Variants in TIMM9 observed in about 807,000 individuals in gnomAD.
TIMM9 encodes the protein mitochondrial import inner membrane translocase subunit Tim9.
A neutral mutation model predicts 13.4 loss-of-function variants in TIMM9; 10 were observed. That is an observed-to-expected ratio of 0.75 (90% confidence interval 0.46 to 1.26). The LOEUF is 1.26. Ranked by LOEUF, TIMM9 falls within the 50% of genes most tolerant of loss-of-function variation. The pLI is 0.00. For synonymous variants in TIMM9, 32 were observed against 32.1 expected (o/e 1.00, Z 0.01); for missense variants, 87 against 100.8 (o/e 0.86, Z 0.58).
At chr14:58,412,988 C>T (rs2036270410) in intron 3 of TIMM9, among the ~76,000 whole-genome samples, 1 of 151,948 alleles carries the variant, frequency 6.6e-6, no homozygotes, top group Non-Finnish European at 1.5e-5. Flanking sequence ...TTAACTATTC[C>T]ACTAGTCACC....
chr14:58,427,145 A>T lies in TIMM9; in HGVS notation c.-206T>A, dbSNP rs967993539. 1.2e-5 allele frequency: 2 copies of T among 172,498 alleles called. No homozygotes were observed. The highest frequency in any genetic ancestry group is 1.7e-4 in the East Asian group (1 of 6,018). 10.7% of individuals were successfully genotyped at this position (172,498 alleles called of 1,614,324 possible). On this transcript the variant is annotated 5_prime_UTR_variant, in exon 2 of 6. Coordinates refer to ENST00000395159, the MANE Select transcript of TIMM9 (RefSeq NM_012460.4). ...TGGGAGGGAGGGTCAGGGTCTGGAC[A>T]GGAGCCGCGGCCGCCAGATGGGAAA...
At chr14:58,410,029 C>G (rs998094751) in intron 5 of TIMM9, among the ~76,000 whole-genome samples, 7 of 151,882 alleles carry the variant, frequency 4.6e-5, no homozygotes, top group African/African-American at 7.3e-5. Flanking sequence ...CCACGCCTGG[C>G]TAATTTTTCA....
chr14:58,423,005 A>T (rs1403808974), intron 3 of TIMM9, among the ~76,000 whole-genome samples: 4 of 151,748 alleles, frequency 2.6e-5, no homozygotes, highest in African/African-American at 9.7e-5. Context: ...GGGTTTCACC[A>T]TGTTGGCCAG....
chr14:58,423,689 C>T (rs1355333008), intron 3 of TIMM9: 1 of 152,066 alleles, frequency 6.6e-6, no homozygotes, highest in African/African-American at 2.4e-5. Flanking sequence ...TAAGCTTAGA[C>T]TAACAAATTC....
intron 2 of TIMM9, among the ~76,000 whole-genome samples, chr14:58,425,881 G>A (rs2036743308): frequency 6.6e-6 from 1 of 152,112 alleles, no homozygotes; most frequent in Non-Finnish European, 1.5e-5. Flanking sequence ...CACTTTGGTA[G>A]GCCGAGGCGG....
Position 58,410,939 on chromosome 14 carries a change from C to A in TIMM9, c.40-1G>T, listed in dbSNP as rs1464448241. 6.2e-7 allele frequency: 1 copy of A among 1,607,578 alleles called. No individual in the cohort carries two copies. The highest frequency in any genetic ancestry group is 8.5e-7 in the Non-Finnish European group (1 of 1,176,304). On this transcript the variant is annotated splice_acceptor_variant, in intron 4 of 5. Coordinates refer to ENST00000395159, the MANE Select transcript of TIMM9 (RefSeq NM_012460.4). LOFTEE classifies it high-confidence loss of function. ...TGTAGGTCCCCAGAAATTCCTTAAA[C>A]TACAAACAAACCAGAATGTTCTTTA... is the stretch of plus-strand genomic sequence containing the variant.
In TIMM9 at chr14:58,414,036, A is replaced by AAAC. The variant is rs398025244; in HGVS notation, c.-26-2066_-26-2065insGTT. ...AAAAAAAAAAAAAAAAAAAAAAAAA[A>AAAC]GGTTTGTATAAAATAAAGCTGTTTG... On this transcript the variant is annotated intron_variant, in intron 3 of 5. Coordinates refer to ENST00000395159, the MANE Select transcript of TIMM9 (RefSeq NM_012460.4). 1.4e-3 allele frequency among the ~76,000 whole-genome samples: 203 copies of AAAC among 144,302 alleles called. 6 individuals carry two copies. The highest frequency in any genetic ancestry group is 4.8e-3 in the African/African-American group (186 of 38,776). The allele number at this position is 144,302 out of a possible 152,430, so 94.7% of individuals were successfully genotyped here. A position where few individuals can be genotyped will look rare whatever the true frequency, so the allele number is the denominator to read the frequency against.
chr14:58,421,934 C>T (rs190311549), intron 3 of TIMM9, among the ~76,000 whole-genome samples: 5 of 152,080 alleles, frequency 3.3e-5, no homozygotes, highest in African/African-American at 9.6e-5. Flanking sequence ...AGGAGGACAC[C>T]CAGCAAACTG....
chr14:58,409,768 C>G (rs1378317357), intron 5 of TIMM9, among the ~76,000 whole-genome samples: 1 of 151,344 alleles, frequency 6.6e-6, no homozygotes, highest in African/African-American at 2.4e-5. Flanking sequence ...TTAGTAGAGA[C>G]GGGGTTTCAC....
At chr14:58,420,017 T>C (rs1040419103) in intron 3 of TIMM9, among the ~76,000 whole-genome samples, 8 of 152,216 alleles carry the variant, frequency 5.3e-5, no homozygotes, top group Admixed American at 4.6e-4. Context: ...TCTCAACTCC[T>C]GGACTTAAGC....
chr14:58,411,842 T>A (rs1033622192), intron 4 of TIMM9, 65 bp downstream of exon 4: 3 of 1,466,128 alleles, frequency 2.0e-6, no homozygotes, highest in Non-Finnish European at 2.9e-6. Flanking sequence ...CAGCCTGACA[T>A]GGTGGCATTA....
intron 3 of TIMM9, among the ~76,000 whole-genome samples, chr14:58,414,189 T>G (rs1035113533): frequency 7.9e-5 from 12 of 152,054 alleles, no homozygotes; most frequent in African/African-American, 2.9e-4. Flanking sequence ...AAACTGGATG[T>G]GCAAATTTTT....
At chr14:58,413,325 C>T (rs1033065672) in intron 3 of TIMM9, among the ~76,000 whole-genome samples, 24 of 152,296 alleles carry the variant, frequency 1.6e-4, no homozygotes, top group African/African-American at 5.8e-4. Flanking sequence ...TACTAATGAT[C>T]CTTTTACAAT....
Position 58,427,148 on chromosome 14 carries a change from A to T in TIMM9, c.-209T>A, listed in dbSNP as rs1218519710. ...GAGGGAGGGTCAGGGTCTGGACAGG[A>T]GCCGCGGCCGCCAGATGGGAAAGAA... On this transcript the variant is annotated 5_prime_UTR_variant, in exon 2 of 6. Transcript: ENST00000395159. The T allele has an allele frequency of 1.7e-5, 3 of 172,242 alleles. No homozygotes were observed. Among genetic ancestry groups the T allele is most frequent in the African/African-American group, 7.2e-5 (3 of 41,692 alleles). The allele number at this position is 172,242 out of a possible 1,614,324, so 10.7% of individuals were successfully genotyped here. A position where few individuals can be genotyped will look rare whatever the true frequency, so the allele number is the denominator to read the frequency against.
intron 3 of TIMM9, among the ~76,000 whole-genome samples, chr14:58,419,873 T>C (rs112120394): frequency 1.3e-5 from 2 of 152,264 alleles, no homozygotes; most frequent in African/African-American, 4.8e-5. Flanking sequence ...GCCAAGATTG[T>C]GCCACTGCAC....
chr14:58,424,411 T>A (rs1378516122), intron 2 of TIMM9, among the ~76,000 whole-genome samples: 2 of 152,194 alleles, frequency 1.3e-5, no homozygotes, highest in South Asian at 4.1e-4. Flanking sequence ...CTTATACAGA[T>A]AGTAACTGGA....
At chr14:58,410,772 A>G (rs942609481) in intron 5 of TIMM9, 71 bp downstream of exon 5, 3 of 1,037,414 alleles carry the variant, frequency 2.9e-6, no homozygotes, top group African/African-American at 1.6e-5. Context: ...AACAAGTGAA[A>G]TGCTTAAGGG....
At chr14:58,410,592 A>G (rs113450333) in intron 5 of TIMM9, among the ~76,000 whole-genome samples, 1 of 152,176 alleles carries the variant, frequency 6.6e-6, no homozygotes, top group African/African-American at 2.4e-5. Context: ...CTTTGTTGTG[A>G]AACAGTAACT....
At chr14:58,422,168 T>C (rs1032191553) in intron 3 of TIMM9, among the ~76,000 whole-genome samples, 6 of 149,466 alleles carry the variant, frequency 4.0e-5, no homozygotes, top group African/African-American at 7.4e-5. Context: ...CAGGCTGGAG[T>C]GCAATGGCAC....
Sources: gnomAD v4.1 joint callset for allele counts (sites outside exome capture counted in the v4.1 genomes callset) on GRCh38, gnomAD v4.1.1 for gene constraint, MANE v1.5 for transcripts, NCBI Gene and HGNC (gene_info 2026-07-23, HGNC 2026-07-21) for gene names.